Variants in ADAMTS3 observed in about 807,000 individuals in gnomAD.
The protein encoded by ADAMTS3 is ADAM metallopeptidase with thrombospondin type 1 motif 3, also known as A disintegrin and metalloproteinase with thrombospondin motifs 3.
Under a neutral mutation model 129.0 loss-of-function variants are expected in ADAMTS3, and 73 were observed. The ratio of observed to expected loss-of-function variants is 0.57; its 90% confidence interval spans 0.47 to 0.69. The LOEUF (loss-of-function observed/expected upper bound fraction) is 0.69, where lower values mean the gene tolerates loss of function less well. Among genes scored for constraint, ADAMTS3 ranks in the 30% least tolerant of loss-of-function variants. The pLI, the probability that ADAMTS3 is intolerant of heterozygous loss-of-function variation, is 0.00. For synonymous variants in ADAMTS3, 477 were observed against 510.8 expected, an observed-to-expected ratio of 0.93 and a Z score of 0.89; for missense variants, 1,457 against 1,514.5, an observed-to-expected ratio of 0.96 and a Z score of 0.63.
intron 3 of ADAMTS3, among the ~76,000 whole-genome samples, chr4:72,423,870 A>C (rs1358843418): frequency 1.3e-5 from 2 of 152,124 alleles, no homozygotes; most frequent in Non-Finnish European, 2.9e-5. Context: ...TAGACAGAGT[A>C]TATAAAGAAT....
rs75129692 is a variant in ADAMTS3, at chr4:72,452,629, A to G, written c.505-37658T>C. Among the ~76,000 whole-genome samples, 986 of 151,906 alleles carry G rather than the reference A, an allele frequency of 6.5e-3. 6 individuals are homozygous for G. Among genetic ancestry groups the G allele is most frequent in the African/African-American group, 0.023 (937 of 41,514 alleles). On this transcript the variant is annotated intron_variant, in intron 3 of 21. Coordinates refer to ENST00000286657, the MANE Select transcript of ADAMTS3 (RefSeq NM_014243.3). ...TTAAGTTTCTTAGTAAATCAAATTC[A>G]GTACTGGACTGGGTCACTACAGCTC... is the stretch of plus-strand genomic sequence containing the variant.
chr4:72,498,672 C>T (rs1719932573), intron 3 of ADAMTS3, among the ~76,000 whole-genome samples: 1 of 151,894 alleles, frequency 6.6e-6, no homozygotes, highest in African/African-American at 2.4e-5. Flanking sequence ...CACACACGCA[C>T]ACACACGTTT....
At chr4:72,370,407 CTTA>C (rs144388251) in intron 4 of ADAMTS3, among the ~76,000 whole-genome samples, 109,316 of 151,728 alleles carry the variant, frequency 0.72, 39,931 homozygotes, top group Non-Finnish European at 0.79. Flanking sequence ...CATTAATCTG[CTTA>C]TTATATCAAT....
At chr4:72,545,594 G>A (rs553067070) in intron 3 of ADAMTS3, among the ~76,000 whole-genome samples, 1 of 152,092 alleles carries the variant, frequency 6.6e-6, no homozygotes, top group African/African-American at 2.4e-5. Context: ...GGTGTAGCCT[G>A]GTGTAGGTAC....
chr4:72,309,629 T>C, intron 14 of ADAMTS3, 109 bp from the exon 15 acceptor site: 1 of 1,256,532 alleles, frequency 8.0e-7, no homozygotes, highest in African/African-American at 1.5e-5. Flanking sequence ...GTCAGCCAAT[T>C]TATAGCAAAC....
intron 3 of ADAMTS3, among the ~76,000 whole-genome samples, chr4:72,433,887 GA>G (rs1175009514): frequency 1.3e-5 from 2 of 151,048 alleles, no homozygotes; most frequent in Admixed American, 6.6e-5. Flanking sequence ...GTTGGAATTA[GA>G]AAAAAAAACT....
intron 3 of ADAMTS3, among the ~76,000 whole-genome samples, chr4:72,511,859 C>G (rs1345539327): frequency 6.6e-6 from 1 of 152,100 alleles, no homozygotes; most frequent in East Asian, 1.9e-4. Flanking sequence ...TTAAAAGCAA[C>G]CTAAGTGCCC....
intron 3 of ADAMTS3, among the ~76,000 whole-genome samples, chr4:72,435,039 T>C (rs1476980611): frequency 6.6e-6 from 1 of 151,878 alleles, no homozygotes; most frequent in Non-Finnish European, 1.5e-5. Context: ...CTAAACAGCA[T>C]AAACTTTGAC....
intron 16 of ADAMTS3, among the ~76,000 whole-genome samples, chr4:72,304,967 C>T (rs946039366): frequency 2.2e-4 from 34 of 152,052 alleles, no homozygotes; most frequent in Non-Finnish European, 3.2e-4. Flanking sequence ...TAGACTATTA[C>T]GACATTTAGT....
intron 4 of ADAMTS3, among the ~76,000 whole-genome samples, chr4:72,377,004 C>G (rs1490904149): frequency 6.6e-6 from 1 of 152,132 alleles, no homozygotes; most frequent in Non-Finnish European, 1.5e-5. Context: ...GAGAGAATAA[C>G]TGAGAAGTTA....
chr4:72,327,568 T>C lies in ADAMTS3; in HGVS notation c.862-4471A>G, dbSNP rs184599726. On this transcript the variant is annotated intron_variant, in intron 5 of 21. Coordinates refer to ENST00000286657, the MANE Select transcript of ADAMTS3 (RefSeq NM_014243.3). The stretch of plus-strand genomic sequence containing the variant: ...AGCTCAGAATCCTATAGAGGACAGA[T>C]GTTCTCATTGCCCAGAGAAGTTAAG... 1.4e-3 allele frequency among the ~76,000 whole-genome samples: 216 copies of C among 152,316 alleles called. 1 individual carries two copies. The highest frequency in any genetic ancestry group is 3.2e-3 in the African/African-American group (133 of 41,566).
chr4:72,366,921 C>T (rs1720884022), intron 4 of ADAMTS3, among the ~76,000 whole-genome samples: 1 of 151,740 alleles, frequency 6.6e-6, no homozygotes, highest in Non-Finnish European at 1.5e-5. Context: ...CTCATTCCTC[C>T]TCCTCTCTCT....
Position 72,283,297 on chromosome 4 carries a change from T to C in ADAMTS3, c.3457A>G (p.Thr1153Ala). The C allele has an allele frequency of 6.8e-6, 11 of 1,613,978 alleles. No individual in the cohort carries two copies. Among genetic ancestry groups the C allele is most frequent in the Non-Finnish European group, 9.3e-6 (11 of 1,179,926 alleles). ...GCTGAACTGAGGTGGACCCTCTTGGTGGGTGGGGAGGATGGTACGGTGACC... is the reference window on the plus strand; with the variant it reads ...GCTGAACTGAGGTGGACCCTCTTGGCGGGTGGGGAGGATGGTACGGTGACC... ...RLVTVPSSPP[T>A]KRVHLSSASQ... The change falls in exon 22 of 22, where the codon ACC (threonine) becomes GCC (alanine). Residue 1153 changes from threonine (T) to alanine (A), a missense_variant. Thr to Ala is a moderately conservative substitution (Grantham distance 58). Coordinates refer to ENST00000286657, the MANE Select transcript of ADAMTS3 (RefSeq NM_014243.3).
chr4:72,546,939 C>G (rs916404727), intron 3 of ADAMTS3, among the ~76,000 whole-genome samples: 2 of 152,092 alleles, frequency 1.3e-5, no homozygotes, highest in Non-Finnish European at 2.9e-5. Flanking sequence ...CACATCAACA[C>G]CCCCTTGCCA....
chr4:72,434,577 G>C (rs2109951439), intron 3 of ADAMTS3, among the ~76,000 whole-genome samples: 1 of 151,934 alleles, frequency 6.6e-6, no homozygotes, highest in Non-Finnish European at 1.5e-5. Flanking sequence ...AGCCAACAGT[G>C]TGCACATCCT....
chr4:72,451,513 C>T (rs1381474247), intron 3 of ADAMTS3, among the ~76,000 whole-genome samples: 5 of 151,694 alleles, frequency 3.3e-5, no homozygotes, highest in Admixed American at 6.6e-5. Flanking sequence ...CCTGGCCCAG[C>T]GCCAACATAT....
chr4:72,568,370 G>C (rs1239509536), intron 1 of ADAMTS3, among the ~76,000 whole-genome samples: 1 of 152,122 alleles, frequency 6.6e-6, no homozygotes, highest in East Asian at 1.9e-4. Context: ...CTCCAGAAAG[G>C]GGAAGCCCAG....
intron 3 of ADAMTS3, among the ~76,000 whole-genome samples, chr4:72,498,214 C>T (rs1011746608): frequency 5.9e-5 from 9 of 152,000 alleles, no homozygotes; most frequent in African/African-American, 2.2e-4. Flanking sequence ...AAGCACTCTA[C>T]GATTTCTGCA....
In ADAMTS3 at chr4:72,312,455, C is replaced by T; in HGVS notation, c.1757G>A (p.Gly586Asp). The T allele has an allele frequency of 6.2e-7, 1 of 1,613,310 alleles. No individual in the cohort carries two copies. The highest frequency in any genetic ancestry group is 8.5e-7 in the Non-Finnish European group (1 of 1,179,564). ...RQCNNPMPINGGQDCPGVNFE... is the reference protein window; with the variant it reads ...RQCNNPMPINDGQDCPGVNFE... ...ATTAACACCAGGACAATCCTGACCA[C>T]CATTGATGGGCCTAAAGAAAAGACA... Residue 586 changes from glycine to aspartate, a missense_variant, in exon 13 of 22, where the codon GGT becomes GAT. Transcript: ENST00000286657.
Sources: gnomAD v4.1 joint callset for allele counts (sites outside exome capture counted in the v4.1 genomes callset) on GRCh38, gnomAD v4.1.1 for gene constraint, MANE v1.5 for transcripts, NCBI Gene and HGNC (gene_info 2026-07-23, HGNC 2026-07-21) for gene names.